CLVS1: variants seen among roughly 807,000 people sequenced by gnomAD.
CLVS1 encodes clavesin-1.
In CLVS1, 10 loss-of-function variants were observed where a neutral mutation model predicts 33.1. The ratio of observed to expected loss-of-function variants is 0.30; its 90% CI spans 0.19 to 0.51. The LOEUF (loss-of-function observed/expected upper bound fraction) is 0.51. Ranked by LOEUF, CLVS1 falls within the 20% of genes least tolerant of loss-of-function variation. The pLI, the probability that CLVS1 is intolerant of heterozygous loss-of-function variation, is 0.97. For missense variants in CLVS1, 343 were observed against 433.4 expected (o/e 0.79, Z 1.85); for synonymous variants, 163 against 166.1 (o/e 0.98, Z 0.14).
intron 2 of CLVS1, among the ~76,000 whole-genome samples, chr8:61,318,466 A>C (rs572359203): frequency 1.2e-4 from 18 of 152,324 alleles, no homozygotes; most frequent in African/African-American, 4.1e-4. Flanking sequence ...GTACTCTTGG[A>C]AGAGTTTATA....
At chr8:61,448,208 T>A (rs1271940271) in intron 3 of CLVS1, among the ~76,000 whole-genome samples, 1 of 152,142 alleles carries the variant, frequency 6.6e-6, no homozygotes, top group Non-Finnish European at 1.5e-5. Flanking sequence ...ATAATTATGA[T>A]ATGTCTTGGC....
At chr8:61,288,536 C>A (rs955709799) in intron 1 of CLVS1, among the ~76,000 whole-genome samples, 6 of 152,180 alleles carry the variant, frequency 3.9e-5, no homozygotes, top group African/African-American at 1.4e-4. Flanking sequence ...CCCCTGAAAA[C>A]AAAGAGAGAC....
chr8:61,093,197 T>C (rs1805283539), intron 1 of CLVS1, among the ~76,000 whole-genome samples: 1 of 152,132 alleles, frequency 6.6e-6, no homozygotes. Flanking sequence ...TATACCAATA[T>C]AATGGAAAAA....
chr8:61,021,753 G>A, the CLVS1 span, among the ~76,000 whole-genome samples: 1 of 152,130 alleles, frequency 6.6e-6, no homozygotes, highest in Non-Finnish European at 1.5e-5. Context: ...GATTCAGGGG[G>A]TACATGTATA....
chr8:61,341,583 C>G (rs1812030652), intron 2 of CLVS1, among the ~76,000 whole-genome samples: 1 of 152,138 alleles, frequency 6.6e-6, no homozygotes, highest in Admixed American at 6.5e-5. Flanking sequence ...TCTGGTGGGC[C>G]CTGTCTTCCT....
intron 2 of CLVS1, among the ~76,000 whole-genome samples, chr8:61,375,013 A>G (rs1801894335): frequency 6.6e-6 from 1 of 152,054 alleles, no homozygotes; most frequent in South Asian, 2.1e-4. Flanking sequence ...TTTCCCAATT[A>G]TCCATAAAAT....
At chr8:61,491,395 A>G (rs188080667) in intron 5 of CLVS1, among the ~76,000 whole-genome samples, 4 of 152,260 alleles carry the variant, frequency 2.6e-5, no homozygotes, top group African/African-American at 4.8e-5. Context: ...TAGTTTATCT[A>G]CCTCTCAGAG....
At chr8:60,990,101 G>GA in the CLVS1 span, among the ~76,000 whole-genome samples, 2 of 141,140 alleles carry the variant, frequency 1.4e-5, no homozygotes, top group East Asian at 2.2e-4. Flanking sequence ...CTCCAGCCTG[G>GA]GTGACAGAGC....
At chr8:61,192,524 A>C (rs1024326448) in intron 2 of CLVS1, among the ~76,000 whole-genome samples, 10 of 151,638 alleles carry the variant, frequency 6.6e-5, no homozygotes, top group African/African-American at 7.3e-5. Context: ...ATTGTCAAAT[A>C]CGATCTAATT....
At chr8:61,267,539 T>C (rs1809335583) in intron 2 of CLVS1, among the ~76,000 whole-genome samples, 1 of 152,214 alleles carries the variant, frequency 6.6e-6, no homozygotes, top group African/African-American at 2.4e-5. Flanking sequence ...CCAACTATAA[T>C]TTTATAGGGA....
At chr8:61,197,265 A>G (rs1309831561) in intron 2 of CLVS1, among the ~76,000 whole-genome samples, 1 of 152,118 alleles carries the variant, frequency 6.6e-6, no homozygotes, top group Non-Finnish European at 1.5e-5. Context: ...TCCCAGCACC[A>G]TGTATTGAAG....
chr8:61,166,031 G>GTTTTTTTTTTTTTTTTTTT (rs71245557), intron 2 of CLVS1, among the ~76,000 whole-genome samples: 6 of 108,372 alleles, frequency 5.5e-5, no homozygotes, highest in African/African-American at 9.8e-5. Context: ...GCATCTAAGC[G>GTTTTTTTTTTTTTTTTTTT]TTTTTTTTTT....
In CLVS1 at chr8:61,501,294, C is replaced by T. The variant is rs763957697; in HGVS notation, c.*1752C>T. 2.6e-5 allele frequency: 4 copies of T among 152,146 alleles called. No homozygotes were observed. Among genetic ancestry groups the T allele is most frequent in the Non-Finnish European group, 5.9e-5 (4 of 68,004 alleles). The allele number at this position is 152,146 out of a possible 1,614,324, so 9.4% of individuals were successfully genotyped here. A position where few individuals can be genotyped will look rare whatever the true frequency, so the allele number is the denominator to read the frequency against. ...TTGTGGGATACAAGTATTTACAATG[C>T]TATTGGAGTCAATTATTGACAACAC... On this transcript the variant is annotated 3_prime_UTR_variant, in exon 6 of 6. Transcript: ENST00000325897.
intron 2 of CLVS1, among the ~76,000 whole-genome samples, chr8:61,350,346 A>G (rs1420117333): frequency 6.6e-6 from 1 of 152,072 alleles, no homozygotes; most frequent in African/African-American, 2.4e-5. Flanking sequence ...CTCTCACCCA[A>G]TACATTTTCT....
intron 2 of CLVS1, among the ~76,000 whole-genome samples, chr8:61,236,966 G>C (rs770530354): frequency 1.3e-5 from 2 of 152,172 alleles, no homozygotes; most frequent in Non-Finnish European, 2.9e-5. Context: ...AAGGAACAAA[G>C]TTGTGTTATT....
At chr8:61,159,103 G>A (rs1203983362) in intron 2 of CLVS1, among the ~76,000 whole-genome samples, 1 of 152,142 alleles carries the variant, frequency 6.6e-6, no homozygotes. Flanking sequence ...AAACTCCTGG[G>A]CTCAAGTGAT....
chr8:61,342,604 C>T (rs141451420), intron 2 of CLVS1, among the ~76,000 whole-genome samples: 124 of 152,322 alleles, frequency 8.1e-4, no homozygotes, highest in Non-Finnish European at 9.1e-4. Flanking sequence ...CATTGGCATA[C>T]GGAATCCAGT....
intron 3 of CLVS1, among the ~76,000 whole-genome samples, chr8:61,411,680 T>A (rs1815230919): frequency 6.6e-6 from 1 of 151,894 alleles, no homozygotes; most frequent in Non-Finnish European, 1.5e-5. Context: ...GTCACAGGAG[T>A]GGGAGCCCTG....
At chr8:61,233,632 A>G (rs1808493238) in intron 2 of CLVS1, among the ~76,000 whole-genome samples, 1 of 151,682 alleles carries the variant, frequency 6.6e-6, no homozygotes, top group South Asian at 2.1e-4. Flanking sequence ...ACTCCTTCCC[A>G]TTCTGCCTCC....
Sources: gnomAD v4.1 joint callset for allele counts (sites outside exome capture counted in the v4.1 genomes callset) on GRCh38, gnomAD v4.1.1 for gene constraint, MANE v1.5 for transcripts, NCBI Gene and HGNC (gene_info 2026-07-23, HGNC 2026-07-21) for gene names.